MAF: variants seen among roughly 807,000 people sequenced by gnomAD.
MAF encodes MAF bZIP transcription factor.
In MAF, 10 loss-of-function variants were observed where a neutral mutation model predicts 22.0. The ratio of observed to expected loss-of-function variants is 0.45; its 90% confidence interval spans 0.28 to 0.77. MAF has a LOEUF of 0.77. Ranked by LOEUF, MAF falls within the 30% of genes least tolerant of loss-of-function variation. The pLI is 0.12. For missense variants in MAF, 544 were observed against 548.4 expected (o/e 0.99, Z 0.08); for synonymous variants, 337 against 255.8 (o/e 1.32, Z -3.03).
At chr16:79,231,673 G>A in the MAF span, among the ~76,000 whole-genome samples, 1 of 152,054 alleles carries the variant, frequency 6.6e-6, no homozygotes, top group Non-Finnish European at 1.5e-5. Context: ...TAACTATATG[G>A]AACATGCTGT....
At chr16:79,335,687 A>C in the MAF span, among the ~76,000 whole-genome samples, 1 of 152,196 alleles carries the variant, frequency 6.6e-6, no homozygotes, top group Non-Finnish European at 1.5e-5. Flanking sequence ...ATGAGTTTCC[A>C]TGAAGGGCAA....
At chr16:79,270,207 C>A in the MAF span, among the ~76,000 whole-genome samples, 1 of 152,040 alleles carries the variant, frequency 6.6e-6, no homozygotes, top group African/African-American at 2.4e-5. Context: ...CTAGCTCCCA[C>A]AGAAGGTACC....
At chr16:79,358,280 C>T in the MAF span, among the ~76,000 whole-genome samples, 1 of 152,144 alleles carries the variant, frequency 6.6e-6, no homozygotes, top group South Asian at 2.1e-4. Flanking sequence ...GAGAGTTCCT[C>T]GACCCCAGCA....
chr16:79,349,275 G>A, the MAF span, among the ~76,000 whole-genome samples: 1 of 152,182 alleles, frequency 6.6e-6, no homozygotes, highest in Non-Finnish European at 1.5e-5. Flanking sequence ...ATAATGCCCA[G>A]GTCAGGCTCC....
chr16:79,496,603 AT>A, the MAF span, among the ~76,000 whole-genome samples: 1 of 152,232 alleles, frequency 6.6e-6, no homozygotes, highest in Non-Finnish European at 1.5e-5. Flanking sequence ...GCCTTCATCT[AT>A]ATAAATCGAG....
chr16:79,378,245 C>G, the MAF span, among the ~76,000 whole-genome samples: 2 of 152,126 alleles, frequency 1.3e-5, no homozygotes, highest in East Asian at 3.8e-4. Context: ...AAAAGTCCAT[C>G]AAGCGTACAA....
chr16:79,214,101 T>C, the MAF span, among the ~76,000 whole-genome samples: 2 of 152,212 alleles, frequency 1.3e-5, no homozygotes, highest in Non-Finnish European at 2.9e-5. Flanking sequence ...CACTGATTTT[T>C]AGTCTCTGCT....
chr16:79,408,095 A>AAAAAAAAC, the MAF span, among the ~76,000 whole-genome samples: 1 of 146,998 alleles, frequency 6.8e-6, no homozygotes, highest in Non-Finnish European at 1.5e-5. Context: ...AAAAAAAAAA[A>AAAAAAAAC]AAAAACCTAA....
chr16:79,510,881 G>A, the MAF span, among the ~76,000 whole-genome samples: 2 of 152,208 alleles, frequency 1.3e-5, no homozygotes, highest in African/African-American at 4.8e-5. Flanking sequence ...GTGTCTATAT[G>A]TGTGGTTGGG....
the MAF span, among the ~76,000 whole-genome samples, chr16:79,337,930 G>T: frequency 6.6e-6 from 1 of 152,068 alleles, no homozygotes; most frequent in Admixed American, 6.5e-5. Context: ...TGCCTGTCTT[G>T]TAGCTTAGCA....
chr16:79,228,521 T>C, the MAF span, among the ~76,000 whole-genome samples: 3 of 152,048 alleles, frequency 2.0e-5, no homozygotes, highest in African/African-American at 7.2e-5. Flanking sequence ...TGGATCCATT[T>C]CTGTGGCTGT....
the MAF span, among the ~76,000 whole-genome samples, chr16:79,459,197 G>T: frequency 6.6e-6 from 1 of 152,168 alleles, no homozygotes; most frequent in Non-Finnish European, 1.5e-5. Context: ...TCACATAAAA[G>T]TTCATCCTCT....
At chr16:79,536,673 A>T in the MAF span, among the ~76,000 whole-genome samples, 1 of 152,276 alleles carries the variant, frequency 6.6e-6, no homozygotes, top group East Asian at 1.9e-4. Context: ...TTGAGAAAAA[A>T]TTTTAAAAAG....
the MAF span, among the ~76,000 whole-genome samples, chr16:79,349,908 A>C: frequency 6.6e-6 from 1 of 152,186 alleles, no homozygotes; most frequent in African/African-American, 2.4e-5. Flanking sequence ...TGCTCCACTC[A>C]TACTGAACTT....
the MAF span, among the ~76,000 whole-genome samples, chr16:79,401,936 C>T: frequency 6.6e-6 from 1 of 152,154 alleles, no homozygotes; most frequent in African/African-American, 2.4e-5. Context: ...TTAATCTTTA[C>T]AAAACCCTTG....
chr16:79,403,472 C>T, the MAF span, among the ~76,000 whole-genome samples: 1 of 152,142 alleles, frequency 6.6e-6, no homozygotes, highest in African/African-American at 2.4e-5. Flanking sequence ...GGATCAAGTG[C>T]CCGCCCCTCA....
the MAF span, among the ~76,000 whole-genome samples, chr16:79,253,738 G>A: frequency 2.0e-5 from 3 of 152,080 alleles, no homozygotes; most frequent in East Asian, 1.9e-4. Flanking sequence ...GGGACATTTC[G>A]AGCCTGATCG....
At chr16:79,237,965 C>G in the MAF span, among the ~76,000 whole-genome samples, 1 of 152,062 alleles carries the variant, frequency 6.6e-6, no homozygotes, top group African/African-American at 2.4e-5. Context: ...TCGTCTTAGA[C>G]GGGAATCTTC....
chr16:79,448,088 G>C, the MAF span, among the ~76,000 whole-genome samples: 3 of 152,160 alleles, frequency 2.0e-5, no homozygotes, highest in East Asian at 1.9e-4. Flanking sequence ...CATACACTTA[G>C]TTGATAAAGC....
Sources: gnomAD v4.1 joint callset for allele counts (sites outside exome capture counted in the v4.1 genomes callset) on GRCh38, gnomAD v4.1.1 for gene constraint, MANE v1.5 for transcripts, NCBI Gene and HGNC (gene_info 2026-07-23, HGNC 2026-07-21) for gene names.